Variants in ABR observed in about 807,000 individuals in gnomAD.
The protein encoded by ABR is active breakpoint cluster region-related protein.
In ABR, 35 loss-of-function variants were observed where a neutral mutation model predicts 107.2. The observed-to-expected ratio is 0.33, with a 90% CI of 0.25 to 0.43. The LOEUF (loss-of-function observed/expected upper bound fraction) is 0.43, where lower values mean the gene tolerates loss of function less well. ABR is among the 20% of genes least tolerant of loss of function. The pLI is 1.00. For missense variants in ABR, 815 were observed against 1,115.2 expected (o/e 0.73, Z 3.83); for synonymous variants, 498 against 462.0 (o/e 1.08, Z -1.00).
intron 16 of ABR, among the ~76,000 whole-genome samples, chr17:1,044,233 G>A (rs1197138191): frequency 1.3e-5 from 2 of 152,334 alleles, no homozygotes; most frequent in Admixed American, 1.3e-4. Flanking sequence ...CCTGGATGGG[G>A]TCCCTGAGTC....
chr17:1,222,661 C>T (rs2043139664), intron 1 of ABR, among the ~76,000 whole-genome samples: 1 of 152,180 alleles, frequency 6.6e-6, no homozygotes, highest in Non-Finnish European at 1.5e-5. Flanking sequence ...TCTGTAATCT[C>T]AGCACTTGTG....
intron 10 of ABR, among the ~76,000 whole-genome samples, chr17:1,059,204 C>T (rs1335079611): frequency 1.3e-5 from 2 of 152,134 alleles, no homozygotes; most frequent in African/African-American, 2.4e-5. Flanking sequence ...GGGCCAGGGA[C>T]CAGGTCACCA....
At chr17:1,189,049 A>C (rs2042376276), upstream of ABR, among the ~76,000 whole-genome samples, 1 of 152,194 alleles carries the variant, frequency 6.6e-6, no homozygotes. Context: ...TGAGCTGGTC[A>C]GCTCAGTCTC....
chr17:1,161,647 A>C (rs1338493459), intron 1 of ABR, among the ~76,000 whole-genome samples: 1 of 150,158 alleles, frequency 6.7e-6, no homozygotes, highest in Admixed American at 6.7e-5. Context: ...CTCCGCCTCC[A>C]GGGTTCAAAC....
At chr17:1,112,334 G>A (rs1194677915) in intron 2 of ABR, among the ~76,000 whole-genome samples, 2 of 152,208 alleles carry the variant, frequency 1.3e-5, no homozygotes, top group African/African-American at 4.8e-5. Flanking sequence ...TGGCACTAAC[G>A]CTGCCTGAGA....
At chr17:1,195,057 C>T (rs1412474042) in intron 1 of ABR, among the ~76,000 whole-genome samples, 9 of 147,830 alleles carry the variant, frequency 6.1e-5, no homozygotes, top group Non-Finnish European at 1.0e-4. Context: ...CCTGTAATCC[C>T]AGCACTTTGG....
At chr17:1,054,520 CAGGGGATGGGGGCACAAAGAACCTG>C (rs773788376) in intron 14 of ABR, among the ~76,000 whole-genome samples, 70,000 of 88,532 alleles carry the variant, frequency 0.79, 32,009 homozygotes, top group Middle Eastern at 0.9. Flanking sequence ...CAAGGAACCT[CAGGGGATGGGGGCACAAAGAACCTG>C]AGGGGACGGG....
intron 2 of ABR, among the ~76,000 whole-genome samples, chr17:1,124,547 C>T (rs892440062): frequency 1.3e-5 from 2 of 152,388 alleles, no homozygotes; most frequent in Admixed American, 6.5e-5. Context: ...GCCAGGAACA[C>T]GTTAATGACA....
chr17:1,197,436 C>T (rs2042590664), intron 1 of ABR, among the ~76,000 whole-genome samples: 1 of 151,578 alleles, frequency 6.6e-6, no homozygotes, highest in Non-Finnish European at 1.5e-5. Flanking sequence ...TGGCTCCTGA[C>T]CGGTCATTCT....
intron 2 of ABR, among the ~76,000 whole-genome samples, chr17:1,101,952 C>T (rs188981624): frequency 6.6e-6 from 1 of 152,042 alleles, no homozygotes; most frequent in Non-Finnish European, 1.5e-5. Context: ...CCAGGATGGT[C>T]TCGATCTCCT....
chr17:1,164,468 A>G (rs924211555), intron 1 of ABR, among the ~76,000 whole-genome samples: 7 of 149,740 alleles, frequency 4.7e-5, no homozygotes, highest in African/African-American at 1.5e-4. Context: ...GGACCCTGGC[A>G]AAGTGTCACA....
At chr17:1,175,866 T>C (rs926535919) in intron 1 of ABR, among the ~76,000 whole-genome samples, 2 of 151,254 alleles carry the variant, frequency 1.3e-5, no homozygotes, top group East Asian at 2.0e-4. Context: ...CCGAGGCGGG[T>C]GGATCACGAG....
upstream of ABR, among the ~76,000 whole-genome samples, chr17:1,180,535 T>G (rs2042102148): frequency 6.6e-6 from 1 of 152,128 alleles, no homozygotes; most frequent in Non-Finnish European, 1.5e-5. Flanking sequence ...AGGACCGAAG[T>G]CACGGGGGCT....
rs551871835 is a variant in ABR at position 1,125,087 on chromosome 17, A to G, written c.246+96T>C. 10 of 1,311,496 alleles carry G rather than the reference A, an allele frequency of 7.6e-6. No individual in the cohort carries two copies. In the East Asian group the frequency reaches 1.2e-4, roughly 16 times the overall value. 81.2% of individuals were successfully genotyped at this position (1,311,496 alleles called of 1,614,324 possible). ...CCAGGTCCAAACGTCTCCAGTCCCA[A>G]TCTCTCGAGACCAACCCAAGCAGGG... is the stretch of plus-strand genomic sequence containing the variant. On this transcript the variant is annotated intron_variant, in intron 2 of 22. Transcript: ENST00000302538.
intron 1 of ABR, among the ~76,000 whole-genome samples, chr17:1,213,352 G>A (rs1300826860): frequency 6.6e-6 from 1 of 152,180 alleles, no homozygotes; most frequent in Non-Finnish European, 1.5e-5. Flanking sequence ...TGACTAAGCA[G>A]GTACTATTTG....
chr17:1,097,652 T>C (rs1412531815), intron 3 of ABR, among the ~76,000 whole-genome samples: 1 of 149,802 alleles, frequency 6.7e-6, no homozygotes, highest in Admixed American at 6.6e-5. Context: ...AACGACCCCA[T>C]GAAAAGCATA....
At chr17:1,138,839 G>C (rs1567815173) in intron 1 of ABR, among the ~76,000 whole-genome samples, 1 of 152,350 alleles carries the variant, frequency 6.6e-6, no homozygotes, top group Non-Finnish European at 1.5e-5. Context: ...GAGGACCGGA[G>C]AGACCGATAT....
chr17:1,017,675 C>T (rs1286937173), intron 16 of ABR, among the ~76,000 whole-genome samples: 2 of 151,794 alleles, frequency 1.3e-5, no homozygotes, highest in Admixed American at 1.3e-4. Context: ...ACCATGTTGG[C>T]CAGGCTGGTC....
chr17:1,123,259 G>A (rs866683388), intron 2 of ABR, among the ~76,000 whole-genome samples: 1 of 152,182 alleles, frequency 6.6e-6, no homozygotes, highest in Non-Finnish European at 1.5e-5. Flanking sequence ...CCCTACTCCT[G>A]CCTTGCGTGG....
Sources: gnomAD v4.1 joint callset for allele counts (sites outside exome capture counted in the v4.1 genomes callset) on GRCh38, gnomAD v4.1.1 for gene constraint, MANE v1.5 for transcripts, NCBI Gene and HGNC (gene_info 2026-07-23, HGNC 2026-07-21) for gene names.